Variants in IQCM observed in about 807,000 individuals in gnomAD.
IQCM encodes the protein IQ domain-containing protein M.
IQCM carries 45 observed loss-of-function variants against 57.6 expected under a neutral mutation model. The observed-to-expected ratio is 0.78, with a 90% confidence interval of 0.62 to 1.00. The LOEUF (loss-of-function observed/expected upper bound fraction) is 1.00, where lower values mean the gene tolerates loss of function less well. Among genes scored for constraint, IQCM ranks in the 50% least tolerant of loss-of-function variants. The probability of loss-of-function intolerance (pLI) is 0.00; values close to 1 mark genes in which losing one functional copy is unlikely to be tolerated. For synonymous variants in IQCM, 148 were observed against 158.9 expected (o/e 0.93, Z 0.51); for missense variants, 468 against 511.6 (o/e 0.91, Z 0.82).
At chr4:149,356,520 G>A (rs917665839) in intron 13 of IQCM, among the ~76,000 whole-genome samples, 18 of 152,152 alleles carry the variant, frequency 1.2e-4, no homozygotes, top group African/African-American at 3.9e-4. Context: ...CCCATTGCTT[G>A]TTTTTCTCAG....
intron 7 of IQCM, among the ~76,000 whole-genome samples, chr4:149,643,714 TTGTCAGTCAG>T (rs1758403620): frequency 1.3e-5 from 2 of 152,078 alleles, no homozygotes; most frequent in African/African-American, 4.8e-5. Context: ...CCAGAGAGGC[TTGTCAGTCAG>T]GACAAGCCTT....
chr4:149,547,649 C>T (rs1354589090), intron 12 of IQCM, among the ~76,000 whole-genome samples: 1 of 152,148 alleles, frequency 6.6e-6, no homozygotes, highest in Admixed American at 6.6e-5. Context: ...TATGTGTCCT[C>T]ACCACACACT....
chr4:149,588,956 C>A lies in IQCM; in HGVS notation c.682-959G>T, dbSNP rs546536946. On this transcript the variant is annotated intron_variant, in intron 8 of 13. Coordinates refer to ENST00000636793, the MANE Select transcript of IQCM (RefSeq NM_001363507.2). ...ATACCAGCTTCAACAGCATCACTTC[C>A]AACAATTTATGGATTTTTCTTATAT... 2.0e-5 allele frequency among the ~76,000 whole-genome samples: 3 copies of A among 151,822 alleles called. No individual in the cohort carries two copies. In the East Asian group the frequency reaches 5.8e-4, roughly 30 times the overall value.
At chr4:149,644,543 T>G (rs1037333260) in intron 7 of IQCM, among the ~76,000 whole-genome samples, 3 of 152,242 alleles carry the variant, frequency 2.0e-5, no homozygotes, top group Non-Finnish European at 4.4e-5. Flanking sequence ...ACTCTTATCT[T>G]GAATGCATTT....
At chr4:149,382,578 C>A (rs949411235) in intron 13 of IQCM, among the ~76,000 whole-genome samples, 5 of 151,810 alleles carry the variant, frequency 3.3e-5, no homozygotes, top group Non-Finnish European at 7.4e-5. Context: ...AGTACTTTCC[C>A]TGGGCATTTT....
intron 5 of IQCM, among the ~76,000 whole-genome samples, chr4:149,714,256 CTCACTTGCTGCTCCTTCTCAG>C (rs1335799149): frequency 6.6e-6 from 1 of 152,114 alleles, no homozygotes; most frequent in Non-Finnish European, 1.5e-5. Flanking sequence ...TTTTTTCTTC[CTCACTTGCTGCTCCTTCTCAG>C]TCTCTTTGTT....
At chr4:149,659,274 A>G (rs915555238) in intron 7 of IQCM, among the ~76,000 whole-genome samples, 1 of 152,072 alleles carries the variant, frequency 6.6e-6, no homozygotes, top group Admixed American at 6.6e-5. Context: ...TCCAACTTAC[A>G]AGGGACGTGA....
At chr4:149,778,478 T>C in intron 2 of IQCM, among the ~76,000 whole-genome samples, 1 of 152,112 alleles carries the variant, frequency 6.6e-6, no homozygotes, top group East Asian at 1.9e-4. Context: ...ATGCTTACAT[T>C]AGAAAAGAGG....
intron 7 of IQCM, among the ~76,000 whole-genome samples, chr4:149,654,687 A>G (rs1759488052): frequency 6.6e-6 from 1 of 152,198 alleles, no homozygotes; most frequent in Non-Finnish European, 1.5e-5. Flanking sequence ...AAGCATTATG[A>G]GAGGTAGTAC....
chr4:149,556,427 T>A (rs1749589351), intron 10 of IQCM, among the ~76,000 whole-genome samples: 1 of 152,168 alleles, frequency 6.6e-6, no homozygotes, highest in Admixed American at 6.6e-5. Context: ...TATGTTAGGC[T>A]TTTTTAAACT....
chr4:149,606,133 T>C (rs1430199920), intron 8 of IQCM, among the ~76,000 whole-genome samples: 1 of 152,118 alleles, frequency 6.6e-6, no homozygotes, highest in Non-Finnish European at 1.5e-5. Flanking sequence ...TGAAACCCAG[T>C]TCTGTGCTGG....
At chr4:149,602,423 G>A (rs1213625448) in intron 8 of IQCM, among the ~76,000 whole-genome samples, 1 of 151,938 alleles carries the variant, frequency 6.6e-6, no homozygotes, top group Non-Finnish European at 1.5e-5. Context: ...CATATTTCTG[G>A]TTTGTTTGCG....
chr4:149,533,467 AAACTT>A (rs1746955081), intron 12 of IQCM, among the ~76,000 whole-genome samples: 1 of 152,116 alleles, frequency 6.6e-6, no homozygotes, highest in Non-Finnish European at 1.5e-5. Flanking sequence ...ATACAAAAGA[AAACTT>A]AAGTAAGTAG....
intron 13 of IQCM, among the ~76,000 whole-genome samples, chr4:149,414,749 T>C (rs1733625926): frequency 6.6e-6 from 1 of 152,020 alleles, no homozygotes; most frequent in African/African-American, 2.4e-5. Flanking sequence ...AGATTTCTCC[T>C]TCTAGCAACA....
intron 8 of IQCM, among the ~76,000 whole-genome samples, chr4:149,597,318 C>A (rs1031424673): frequency 2.0e-5 from 3 of 152,122 alleles, no homozygotes; most frequent in Non-Finnish European, 4.4e-5. Flanking sequence ...AGAGTAAGGA[C>A]AATGACAATT....
At chr4:149,552,668 C>T (rs1017334638) in intron 11 of IQCM, among the ~76,000 whole-genome samples, 7 of 152,132 alleles carry the variant, frequency 4.6e-5, no homozygotes, top group Admixed American at 2.0e-4. Context: ...AACTCTCAAG[C>T]AGGATTCCCT....
At chr4:149,509,026 C>G (rs1000549712) in intron 12 of IQCM, among the ~76,000 whole-genome samples, 1 of 152,182 alleles carries the variant, frequency 6.6e-6, no homozygotes, top group Non-Finnish European at 1.5e-5. Flanking sequence ...TACCTTCTGC[C>G]ATGATTGTAA....
intron 13 of IQCM, among the ~76,000 whole-genome samples, chr4:149,378,821 G>A (rs1380885859): frequency 1.3e-5 from 2 of 152,168 alleles, no homozygotes; most frequent in Non-Finnish European, 2.9e-5. Context: ...GACACTATGG[G>A]GAGAATGTCT....
intron 10 of IQCM, among the ~76,000 whole-genome samples, chr4:149,559,145 C>A (rs1257078583): frequency 6.6e-6 from 1 of 152,104 alleles, no homozygotes; most frequent in Non-Finnish European, 1.5e-5. Context: ...TCCATTTCCC[C>A]ATCACCACCA....
Sources: allele counts gnomAD v4.1 joint callset (sites outside exome capture counted in the v4.1 genomes callset), GRCh38; gene constraint gnomAD v4.1.1; transcripts MANE v1.5; gene names NCBI Gene and HGNC (gene_info 2026-07-23, HGNC 2026-07-21).